KIF20B: variants seen among roughly 807,000 people sequenced by gnomAD.
KIF20B encodes kinesin-like protein KIF20B.
KIF20B carries 188 observed loss-of-function variants against 232.5 expected under a neutral mutation model. The ratio of observed to expected loss-of-function variants is 0.81; its 90% confidence interval spans 0.72 to 0.91. The LOEUF (loss-of-function observed/expected upper bound fraction) is 0.91. KIF20B is among the 40% of genes least tolerant of loss of function. The probability of loss-of-function intolerance (pLI) is 0.00; values close to 1 mark genes in which losing one functional copy is unlikely to be tolerated. For synonymous variants in KIF20B, 712 were observed against 683.0 expected (o/e 1.04, Z -0.66); for missense variants, 2,154 against 2,055.9 (o/e 1.05, Z -0.92).
At chr10:89,766,654 CAACTT>C (rs1380900949) in intron 29 of KIF20B, among the ~76,000 whole-genome samples, 1 of 151,998 alleles carries the variant, frequency 6.6e-6, no homozygotes, top group Non-Finnish European at 1.5e-5. Context: ...AATTTTTCTT[CAACTT>C]TCTTTTACTT....
intron 6 of KIF20B, among the ~76,000 whole-genome samples, chr10:89,711,552 T>C (rs537109171): frequency 1.3e-5 from 2 of 152,206 alleles, no homozygotes; most frequent in East Asian, 3.9e-4. Context: ...TTGGGAAGTA[T>C]TGTTTTTGGA....
In KIF20B at chr10:89,726,590, G is replaced by C. The variant is rs576339473; in HGVS notation, c.2230+69G>C. The C allele has an allele frequency of 1.5e-5, 19 of 1,301,498 alleles. 1 individual carries two copies. In the South Asian group the frequency reaches 3.1e-4, roughly 21 times the overall value. The allele number at this position is 1,301,498 out of a possible 1,614,324, so 80.6% of individuals were successfully genotyped here. A position where few individuals can be genotyped will look rare whatever the true frequency, so the allele number is the denominator to read the frequency against. ...TAAAAAGTACTCTTGGTAAGTATAA[G>C]AGATTTATGTAGCTCATTTACCGTA... On this transcript the variant is annotated intron_variant, in intron 16 of 32. Coordinates refer to ENST00000371728, the MANE Select transcript of KIF20B (RefSeq NM_001284259.2).
intron 16 of KIF20B, among the ~76,000 whole-genome samples, chr10:89,727,251 T>TC (rs11315506): frequency 1.5e-4 from 23 of 149,120 alleles, no homozygotes; most frequent in Non-Finnish European, 2.8e-4. Flanking sequence ...TTTTCTGTCT[T>TC]CCCCCCCCCT....
At chr10:89,744,189 T>G (rs1841863985) in intron 22 of KIF20B, among the ~76,000 whole-genome samples, 1 of 152,182 alleles carries the variant, frequency 6.6e-6, no homozygotes, top group African/African-American at 2.4e-5. Context: ...AGATACCACT[T>G]TAACCAAGTG....
chr10:89,758,972 A>T (rs1386517389), intron 27 of KIF20B, 90 bp downstream of exon 27: 1 of 743,284 alleles, frequency 1.3e-6, no homozygotes, highest in Non-Finnish European at 1.9e-6. Flanking sequence ...TGTAAGTCTC[A>T]ATAGACCAAA....
At chr10:89,748,300 G>A (rs1420839673) in intron 23 of KIF20B, among the ~76,000 whole-genome samples, 3 of 152,156 alleles carry the variant, frequency 2.0e-5, no homozygotes, top group South Asian at 2.1e-4. Context: ...TTGAGCCACC[G>A]TGCCTGGCCA....
At chr10:89,745,600 A>T (rs538031010) in intron 22 of KIF20B, among the ~76,000 whole-genome samples, 19 of 152,006 alleles carry the variant, frequency 1.2e-4, no homozygotes, top group East Asian at 1.9e-4. Context: ...TTTTAATTTT[A>T]ATTTTTATTT....
intron 27 of KIF20B, among the ~76,000 whole-genome samples, chr10:89,760,028 C>G (rs1842205485): frequency 6.6e-6 from 1 of 152,066 alleles, no homozygotes; most frequent in South Asian, 2.1e-4. Flanking sequence ...TTTAGTTTTC[C>G]TTATGGTCTT....
Position 89,762,731 on chromosome 10 carries a change from C to G in KIF20B, c.4885C>G (p.Pro1629Ala). The G allele has an allele frequency of 6.2e-7, 1 of 1,613,402 alleles. No homozygotes were observed. The highest frequency in any genetic ancestry group is 8.5e-7 in the Non-Finnish European group (1 of 1,179,568). The change falls in exon 29 of 33, where the codon CCT (proline) becomes GCT (alanine). Residue 1629 changes from proline to alanine, a missense_variant. Physicochemically the swap from Pro to Ala is conservative, Grantham distance 27 (BLOSUM62 -1). Coordinates refer to ENST00000371728, the MANE Select transcript of KIF20B (RefSeq NM_001284259.2). ...ACCTGAGTTAGAGATTCAATTTACA[C>G]CTTTACAGCCAAACAAAATGGCAGT... is the stretch of plus-strand genomic sequence containing the variant. ...PKPELEIQFT[P>A]LQPNKMAVKH...
chr10:89,737,526 G>T lies in KIF20B; in HGVS notation c.2685G>T (p.Glu895Asp). 6.2e-7 allele frequency: 1 copy of T among 1,608,888 alleles called. No homozygotes were observed. Among genetic ancestry groups the T allele is most frequent in the South Asian group, 1.1e-5 (1 of 89,838 alleles). ...EGLRAFLLTIENELKNEKEEK... is the reference protein window; with the variant it reads ...EGLRAFLLTIDNELKNEKEEK... ...TGAGAGCATTTTTACTCACTATTGA[G>T]AATGAACTTAAAAATGAAAAGGAAG... Residue 895 changes from glutamate (E) to aspartate (D), a missense_variant, in exon 20 of 33, where the codon GAG becomes GAT. Physicochemically the swap from Glu to Asp is conservative, Grantham distance 45. Coordinates refer to ENST00000371728, the MANE Select transcript of KIF20B (RefSeq NM_001284259.2).
intron 13 of KIF20B, among the ~76,000 whole-genome samples, chr10:89,721,717 A>G (rs999319753): frequency 6.6e-6 from 1 of 151,926 alleles, no homozygotes; most frequent in Non-Finnish European, 1.5e-5. Flanking sequence ...TTTTCATTTC[A>G]AAGTTGAAAT....
rs1478900902 is a variant in KIF20B, at chr10:89,761,145, ACTTTTTAAATTT to A, written c.4791+519_4791+530del. On this transcript the variant is annotated intron_variant, in intron 28 of 32. Coordinates refer to ENST00000371728, the MANE Select transcript of KIF20B (RefSeq NM_001284259.2). ...ACTTAAAATTTTTGAAGATAAAATT[ACTTTTTAAATTT>A]CTTTTTAAAACACATTTATTGGGAG... Among the ~76,000 whole-genome samples, 13 of 152,314 alleles carry A rather than the reference ACTTTTTAAATTT, an allele frequency of 8.5e-5. No individual in the cohort carries two copies. In the South Asian group the frequency reaches 1.7e-3, roughly 19 times the overall value.
At position 89,768,297 on chromosome 10, in the gene KIF20B, T is replaced by C. The variant is rs1210393218; in HGVS notation, c.4997T>C (p.Val1666Ala). The change falls in exon 30 of 33, where the codon GTG (valine) becomes GCG (alanine). Residue 1666 changes from valine to alanine, a missense_variant. Coordinates refer to ENST00000371728, the MANE Select transcript of KIF20B (RefSeq NM_001284259.2). ...AAAATTCATTATTTTTAGGACTTGGTGAAATGTGAAAATAAGAAGAATGCT... is the reference window on the plus strand; with the variant it reads ...AAAATTCATTATTTTTAGGACTTGGCGAAATGTGAAAATAAGAAGAATGCT... ...RKSNEMEEDLVKCENKKNATP... is the reference protein window; with the variant it reads ...RKSNEMEEDLAKCENKKNATP... 6.5e-7 allele frequency: 1 copy of C among 1,547,978 alleles called. No individual in the cohort carries two copies. The highest frequency in any genetic ancestry group is 8.8e-7 in the Non-Finnish European group (1 of 1,134,502).
chr10:89,714,402 C>T (rs1453984126), intron 7 of KIF20B, among the ~76,000 whole-genome samples: 1 of 151,986 alleles, frequency 6.6e-6, no homozygotes, highest in East Asian at 1.9e-4. Flanking sequence ...TCCTTGAACT[C>T]AGGAGGTGGA....
chr10:89,759,782 G>A (rs1352128056), intron 27 of KIF20B, among the ~76,000 whole-genome samples: 2 of 152,114 alleles, frequency 1.3e-5, no homozygotes, highest in African/African-American at 4.8e-5. Flanking sequence ...ATCAATATAT[G>A]CTAGTTACTT....
At chr10:89,758,668 C>T in intron 26 of KIF20B, 38 bp from the exon 27 acceptor site, 1 of 1,389,710 alleles carries the variant, frequency 7.2e-7, no homozygotes, top group Non-Finnish European at 9.6e-7. Context: ...CATAATATAT[C>T]AAGGTTGATT....
intron 18 of KIF20B, 44 bp from the exon 19 acceptor site, chr10:89,732,859 G>A (rs748428813): frequency 3.4e-5 from 48 of 1,422,372 alleles, no homozygotes; most frequent in Non-Finnish European, 4.2e-5. Context: ...TACATTTTTT[G>A]TAGCTTTCTA....
At chr10:89,757,634 T>C (rs1314000601) in intron 26 of KIF20B, among the ~76,000 whole-genome samples, 1 of 152,024 alleles carries the variant, frequency 6.6e-6, no homozygotes, top group Non-Finnish European at 1.5e-5. Flanking sequence ...ATCTTTCATA[T>C]TTAGATACTA....
In KIF20B at chr10:89,714,079, T is replaced by C; in HGVS notation, c.708T>C (p.Leu236=). The change falls in exon 7 of 33, where the codon CTT becomes CTC. Residue 236 remains leucine, a synonymous_variant. Coordinates refer to ENST00000371728, the MANE Select transcript of KIF20B (RefSeq NM_001284259.2). The part of the protein sequence containing the change: ...VTVHNDSDDT[L]YGSLTNSLNI... ...TGCATAATGATAGTGATGATACTCT[T>C]TATGGTAAGGTTTCGTTGCTCACTT... 1 of 1,451,212 alleles carries C rather than the reference T, an allele frequency of 6.9e-7. No homozygotes were observed. Among genetic ancestry groups the C allele is most frequent in the East Asian group, 2.5e-5 (1 of 40,486 alleles). The allele number at this position is 1,451,212 out of a possible 1,614,324, so 89.9% of individuals were successfully genotyped here. A position where few individuals can be genotyped will look rare whatever the true frequency, so the allele number is the denominator to read the frequency against.
Sources: gnomAD v4.1 joint callset for allele counts (sites outside exome capture counted in the v4.1 genomes callset) on GRCh38, gnomAD v4.1.1 for gene constraint, MANE v1.5 for transcripts, NCBI Gene and HGNC (gene_info 2026-07-23, HGNC 2026-07-21) for gene names.